Variants in BZW2 observed in about 807,000 individuals in gnomAD.
BZW2 encodes eIF5-mimic protein 1.
Under a neutral mutation model 53.2 loss-of-function variants are expected in BZW2, and 23 were observed. The ratio of observed to expected loss-of-function variants is 0.43; its 90% CI spans 0.31 to 0.61. The LOEUF is 0.61. Ranked by LOEUF, BZW2 falls within the 20% of genes least tolerant of loss-of-function variation. The pLI, the probability that BZW2 is intolerant of heterozygous loss-of-function variation, is 0.09. For synonymous variants in BZW2, 227 were observed against 186.4 expected, an observed-to-expected ratio of 1.22 and a Z score of -1.77; for missense variants, 409 against 503.1, an observed-to-expected ratio of 0.81 and a Z score of 1.79.
At position 16,646,238 on chromosome 7, in the gene BZW2, C is replaced by A; in HGVS notation, c.-58C>A. The A allele has an allele frequency of 2.9e-6, 1 of 343,498 alleles. No homozygotes were observed. The highest frequency in any genetic ancestry group is 5.9e-6 in the Non-Finnish European group (1 of 168,272). 21.3% of individuals were successfully genotyped at this position (343,498 alleles called of 1,614,324 possible). The stretch of plus-strand genomic sequence containing the variant: ...TGCTGCTGCTGCCGCTGCTGCTGCA[C>A]GAATCGCCGCAGCCCCCAGCCTTGC... On this transcript the variant is annotated 5_prime_UTR_variant, in exon 1 of 12. Transcript: ENST00000258761.
chr7:16,665,638 G>A lies in BZW2; in HGVS notation c.58+137G>A, dbSNP rs77294322. On this transcript the variant is annotated intron_variant, in intron 2 of 11. Coordinates refer to ENST00000258761, the MANE Select transcript of BZW2 (RefSeq NM_014038.3). ...GAGCTCTGAGTGTAGAATCTGAAGT[G>A]CTTTAGTGAAACCATAGAACTGCCA... is the stretch of plus-strand genomic sequence containing the variant. The A allele has an allele frequency of 9.1e-3, 12,903 of 1,411,466 alleles. 696 individuals carry two copies. The East Asian group carries it at 0.17, about 19-fold the overall frequency. The allele number at this position is 1,411,466 out of a possible 1,614,324, so 87.4% of individuals were successfully genotyped here.
rs541723800 is a variant in BZW2 at position 16,665,859 on chromosome 7, A to G, written c.58+358A>G. On this transcript the variant is annotated intron_variant, in intron 2 of 11. Coordinates refer to ENST00000258761, the MANE Select transcript of BZW2 (RefSeq NM_014038.3). ...GAAAACGTTGATGGCAAAGATGATA[A>G]AATGAAAAGTAAATTAGGAAGTGAG... Among the ~76,000 whole-genome samples, 162 of 152,330 alleles carry G rather than the reference A, an allele frequency of 1.1e-3. 4 individuals carry two copies. In the South Asian group the frequency reaches 0.017, roughly 16 times the overall value.
intron 1 of BZW2, among the ~76,000 whole-genome samples, chr7:16,663,343 C>T (rs1782324089): frequency 6.6e-6 from 1 of 152,106 alleles, no homozygotes; most frequent in Non-Finnish European, 1.5e-5. Context: ...TGGATTCTGG[C>T]TTAATAACCT....
chr7:16,682,937 C>T (rs1782996337), intron 5 of BZW2, 92 bp downstream of exon 5: 2 of 772,020 alleles, frequency 2.6e-6, no homozygotes, highest in East Asian at 3.4e-5. Context: ...GTGGCTCACG[C>T]CTGTAATCCC....
chr7:16,699,793 C>T (rs1783613695), intron 10 of BZW2, among the ~76,000 whole-genome samples: 1 of 152,176 alleles, frequency 6.6e-6, no homozygotes, highest in Admixed American at 6.6e-5. Flanking sequence ...TGCCAACCTC[C>T]TTTTCCTTTA....
At chr7:16,652,823 C>T (rs1254090203) in intron 1 of BZW2, among the ~76,000 whole-genome samples, 1 of 152,212 alleles carries the variant, frequency 6.6e-6, no homozygotes, top group Non-Finnish European at 1.5e-5. Flanking sequence ...CCATACCTGG[C>T]TTAAACCTTT....
intron 9 of BZW2, 123 bp from the exon 10 acceptor site, chr7:16,697,925 A>G: frequency 1.3e-5 from 15 of 1,195,792 alleles, no homozygotes; most frequent in Non-Finnish European, 1.8e-5. Flanking sequence ...TGATGATAAA[A>G]GGTGTCAATC....
intron 2 of BZW2, among the ~76,000 whole-genome samples, chr7:16,667,285 A>C (rs1428969868): frequency 1.3e-5 from 2 of 151,770 alleles, no homozygotes; most frequent in African/African-American, 4.9e-5. Flanking sequence ...ATCTCAAAAA[A>C]AAAAAAACAA....
At chr7:16,697,100 A>C in intron 9 of BZW2, 39 bp downstream of exon 9, 1 of 1,595,606 alleles carries the variant, frequency 6.3e-7, no homozygotes, top group Non-Finnish European at 8.5e-7. Context: ...AGCCAAGGGC[A>C]AACTGCAGCT....
intron 2 of BZW2, among the ~76,000 whole-genome samples, chr7:16,671,855 C>A (rs556319071): frequency 6.9e-6 from 1 of 144,204 alleles, no homozygotes; most frequent in African/African-American, 2.7e-5. Flanking sequence ...CACATGAACC[C>A]AGGAGGCAGA....
chr7:16,653,870 TG>T (rs1455815944), intron 1 of BZW2, among the ~76,000 whole-genome samples: 1 of 152,046 alleles, frequency 6.6e-6, no homozygotes, highest in Non-Finnish European at 1.5e-5. Context: ...TGTACTGTGT[TG>T]GGGTTTTTTG....
At chr7:16,663,604 T>TA (rs575577752) in intron 1 of BZW2, among the ~76,000 whole-genome samples, 2 of 151,936 alleles carry the variant, frequency 1.3e-5, no homozygotes, top group African/African-American at 2.4e-5. Context: ...AAGGATTTTT[T>TA]AAAAAAAACT....
chr7:16,690,937 G>C (rs927198957), intron 7 of BZW2, among the ~76,000 whole-genome samples: 1 of 152,188 alleles, frequency 6.6e-6, no homozygotes, highest in African/African-American at 2.4e-5. Flanking sequence ...TCTTCACCTG[G>C]CCTGTTCTCT....
chr7:16,654,941 G>A (rs1042103694), intron 1 of BZW2, among the ~76,000 whole-genome samples: 2 of 152,122 alleles, frequency 1.3e-5, no homozygotes, highest in South Asian at 2.1e-4. Flanking sequence ...TATACATGAT[G>A]AGCTGACCTT....
intron 1 of BZW2, among the ~76,000 whole-genome samples, chr7:16,654,864 G>T (rs17169568): frequency 0.046 from 6,979 of 152,128 alleles, 384 homozygotes; most frequent in East Asian, 0.21. Flanking sequence ...GTTTAAGTGT[G>T]AACAGTGGTC....
At chr7:16,661,855 T>C (rs947288487) in intron 1 of BZW2, among the ~76,000 whole-genome samples, 3 of 152,144 alleles carry the variant, frequency 2.0e-5, no homozygotes, top group Admixed American at 1.3e-4. Context: ...CAAATTGTCA[T>C]GATGCATAGG....
chr7:16,656,330 T>G lies in BZW2; in HGVS notation c.-7-9107T>G, dbSNP rs545507990. 2.6e-5 allele frequency among the ~76,000 whole-genome samples: 4 copies of G among 152,268 alleles called. No individual in the cohort carries two copies. In the South Asian group the frequency reaches 8.3e-4, roughly 32 times the overall value. On this transcript the variant is annotated intron_variant, in intron 1 of 11. Transcript: ENST00000258761. ...CCCTAGATATACATCTGTTTCCTCA[T>G]GATTAGCTATTCAGGTCATGTGTTT...
At chr7:16,685,766 C>A in intron 5 of BZW2, 139 bp from the exon 6 acceptor site, 1 of 1,078,338 alleles carries the variant, frequency 9.3e-7, no homozygotes, top group Non-Finnish European at 1.3e-6. Flanking sequence ...CTATGCTTTG[C>A]ATATGACCTT....
At chr7:16,689,370 A>C (rs1304012725) in intron 6 of BZW2, among the ~76,000 whole-genome samples, 1 of 152,218 alleles carries the variant, frequency 6.6e-6, no homozygotes, top group Non-Finnish European at 1.5e-5. Flanking sequence ...CTTTATTAGC[A>C]AATTACTTGA....
Sources: allele counts gnomAD v4.1 joint callset (sites outside exome capture counted in the v4.1 genomes callset), GRCh38; gene constraint gnomAD v4.1.1; transcripts MANE v1.5; gene names NCBI Gene and HGNC (gene_info 2026-07-23, HGNC 2026-07-21).